The following RACGAP1 variants were observed in gnomAD, a reference collection of about 807,000 sequenced individuals.
RACGAP1 encodes Rac GTPase activating protein 1.
A neutral mutation model predicts 78.1 loss-of-function variants in RACGAP1; 30 were observed. That is an observed-to-expected ratio of 0.38 (90% CI 0.29 to 0.52). RACGAP1 has a LOEUF of 0.52. Among genes scored for constraint, RACGAP1 ranks in the 20% least tolerant of loss-of-function variants. The probability of loss-of-function intolerance (pLI) is 0.82; values close to 1 mark genes in which losing one functional copy is unlikely to be tolerated. For synonymous variants in RACGAP1, 231 were observed against 264.8 expected (o/e 0.87, Z 1.24); for missense variants, 587 against 777.1 (o/e 0.76, Z 2.91).
chr12:50,005,151 T>C (rs1948896416), intron 4 of RACGAP1, 105 bp downstream of exon 4: 3 of 1,531,932 alleles, frequency 2.0e-6, no homozygotes, highest in African/African-American at 2.7e-5. Flanking sequence ...TTCTGCTTTT[T>C]TCAGCACACA....
At chr12:49,997,806 G>A (rs973426091) in intron 9 of RACGAP1, among the ~76,000 whole-genome samples, 4 of 150,000 alleles carry the variant, frequency 2.7e-5, no homozygotes, top group Non-Finnish European at 4.4e-5. Flanking sequence ...TCGAACTCCC[G>A]ACCTCAGGTG....
intron 5 of RACGAP1, among the ~76,000 whole-genome samples, chr12:50,003,924 T>C (rs1265965139): frequency 6.6e-6 from 1 of 152,208 alleles, no homozygotes; most frequent in African/African-American, 2.4e-5. Flanking sequence ...CTTGCTAATA[T>C]TTTTATTATT....
Position 50,006,081 on chromosome 12 carries a change from C to T in RACGAP1, c.288+353G>A, listed in dbSNP as rs75834913. 3.0e-3 allele frequency among the ~76,000 whole-genome samples: 454 copies of T among 152,236 alleles called. 1 individual carries two copies. The highest frequency in any genetic ancestry group is 9.4e-3 in the African/African-American group (392 of 41,542). ...GCTACTCATGTAAGGATGGATATTC[C>T]GGGTAGCACTTAAAATAAACAATGA... On this transcript the variant is annotated intron_variant, in intron 3 of 16. Coordinates refer to ENST00000312377, the MANE Select transcript of RACGAP1 (RefSeq NM_001319999.2).
At chr12:49,992,212 A>G in intron 14 of RACGAP1, 33 bp downstream of exon 14, 1 of 1,613,040 alleles carries the variant, frequency 6.2e-7, no homozygotes, top group Non-Finnish European at 8.5e-7. Context: ...ACATTACACA[A>G]GTTCACATAC....
chr12:50,032,039 T>C (rs1245743109), intron 1 of RACGAP1, among the ~76,000 whole-genome samples: 1 of 151,864 alleles, frequency 6.6e-6, no homozygotes. Context: ...CCCAGCTACT[T>C]GGGAGGCTGA....
intron 10 of RACGAP1, among the ~76,000 whole-genome samples, chr12:49,996,387 G>C (rs986675942): frequency 6.7e-6 from 1 of 148,370 alleles, no homozygotes; most frequent in African/African-American, 2.5e-5. Context: ...TCAGCACTTT[G>C]AGAGGCTGAG....
intron 2 of RACGAP1, among the ~76,000 whole-genome samples, chr12:50,011,929 G>A (rs935910971): frequency 2.0e-4 from 30 of 147,118 alleles, no homozygotes; most frequent in Non-Finnish European, 3.6e-4. Flanking sequence ...ACTCCAGCCT[G>A]GGCGACAGAG....
chr12:50,024,977 A>G (rs919177381), intron 1 of RACGAP1, among the ~76,000 whole-genome samples: 1 of 151,862 alleles, frequency 6.6e-6, no homozygotes. Context: ...CCCTAGACAT[A>G]CGAGACCCAC....
chr12:50,019,504 C>A (rs1949877234), intron 1 of RACGAP1, among the ~76,000 whole-genome samples: 2 of 152,068 alleles, frequency 1.3e-5, no homozygotes, highest in African/African-American at 4.8e-5. Flanking sequence ...CATTCTACCT[C>A]AACATCAACG....
intron 1 of RACGAP1, 95 bp downstream of exon 1, chr12:50,025,295 CTGTCCCGG>C (rs1440448437): frequency 3.0e-6 from 3 of 985,268 alleles, no homozygotes; most frequent in African/African-American, 1.7e-5. Context: ...CGCTGTCCCG[CTGTCCCGG>C]ACCCCCGCGG....
chr12:50,017,125 T>C, intron 1 of RACGAP1: 1 of 968,292 alleles, frequency 1.0e-6, no homozygotes, highest in African/African-American at 1.8e-5. Context: ...TAACTTAAAA[T>C]ATCTATTTTT....
At chr12:49,998,505 G>A (rs568226595) in intron 9 of RACGAP1, among the ~76,000 whole-genome samples, 5 of 152,254 alleles carry the variant, frequency 3.3e-5, no homozygotes, top group African/African-American at 1.2e-4. Flanking sequence ...CAGTTAATTT[G>A]CTTGGATTTT....
chr12:50,011,909 G>C (rs560805650), intron 2 of RACGAP1, among the ~76,000 whole-genome samples: 2 of 145,604 alleles, frequency 1.4e-5, no homozygotes, highest in Admixed American at 7.0e-5. Flanking sequence ...AGCCGAGATC[G>C]TGCCACTGTA....
rs1391411522 is a variant in RACGAP1, at chr12:49,999,187, G to A, written c.833C>T (p.Pro278Leu). The A allele has an allele frequency of 6.2e-7, 1 of 1,613,856 alleles. No individual in the cohort carries two copies. The highest frequency in any genetic ancestry group is 8.5e-7 in the Non-Finnish European group (1 of 1,180,012). Residue 278 changes from proline to leucine, a missense_variant, in exon 9 of 17, where the codon CCA becomes CTA. Coordinates refer to ENST00000312377, the MANE Select transcript of RACGAP1 (RefSeq NM_001319999.2). The part of the protein sequence containing the change: ...PRTETDSVGT[P>L]QSNGGMRLHD... ...CAGGCGCATCCCTCCATTACTCTGT[G>A]GCGTGCCCACACTGTCTGTCTCAGT...
intron 2 of RACGAP1, among the ~76,000 whole-genome samples, chr12:50,012,675 C>T (rs1459308933): frequency 3.9e-5 from 6 of 152,112 alleles, no homozygotes; most frequent in Non-Finnish European, 7.4e-5. Context: ...AGGAAAATTG[C>T]TTGAACCTGG....
At position 49,994,396 on chromosome 12, in the gene RACGAP1, C is replaced by T. The variant is rs1394229387; in HGVS notation, c.1140+18G>A. ...AACACAAATAACAAATTCACCATCT[C>T]CTACAGTTGACTCTTACCTCAGTCA... is the stretch of plus-strand genomic sequence containing the variant. On this transcript the variant is annotated intron_variant, in intron 11 of 16. Coordinates refer to ENST00000312377, the MANE Select transcript of RACGAP1 (RefSeq NM_001319999.2). The T allele has an allele frequency of 1.2e-6, 2 of 1,613,446 alleles. No individual in the cohort carries two copies. Among genetic ancestry groups the T allele is most frequent in the Admixed American group, 1.7e-5 (1 of 59,866 alleles).
At chr12:50,022,341 G>A (rs777732678) in intron 1 of RACGAP1, among the ~76,000 whole-genome samples, 12 of 152,204 alleles carry the variant, frequency 7.9e-5, no homozygotes, top group Admixed American at 3.3e-4. Flanking sequence ...CCAGCACTTT[G>A]GGAGGCTGAA....
intron 1 of RACGAP1, among the ~76,000 whole-genome samples, chr12:50,017,682 C>T (rs1038374845): frequency 3.3e-5 from 5 of 152,082 alleles, no homozygotes; most frequent in African/African-American, 9.7e-5. Flanking sequence ...TCAGAAATAC[C>T]ATTAAAGGAT....
intron 7 of RACGAP1, among the ~76,000 whole-genome samples, chr12:50,000,600 C>T (rs917541664): frequency 1.3e-5 from 2 of 152,088 alleles, no homozygotes; most frequent in African/African-American, 4.8e-5. Context: ...GACTCCCCCT[C>T]TACTTTAAAA....
Sources: allele counts gnomAD v4.1 joint callset (sites outside exome capture counted in the v4.1 genomes callset), GRCh38; gene constraint gnomAD v4.1.1; transcripts MANE v1.5; gene names NCBI Gene and HGNC (gene_info 2026-07-23, HGNC 2026-07-21).